Variants in DNAJC6 observed in about 807,000 individuals in gnomAD.
DNAJC6 encodes auxilin.
DNAJC6 carries 34 observed loss-of-function variants against 110.0 expected under a neutral mutation model. The observed-to-expected ratio is 0.31, with a 90% confidence interval of 0.24 to 0.41. The LOEUF is 0.41. Among genes scored for constraint, DNAJC6 ranks in the 10% least tolerant of loss-of-function variants. The probability of loss-of-function intolerance (pLI) is 1.00; values close to 1 mark genes in which losing one functional copy is unlikely to be tolerated. For synonymous variants in DNAJC6, 406 were observed against 437.2 expected (o/e 0.93, Z 0.89); for missense variants, 1,031 against 1,207.8 (o/e 0.85, Z 2.17).
Position 65,315,979 on chromosome 1 carries a change from A to G in DNAJC6, c.193+6041A>G, listed in dbSNP as rs151113259. Among the ~76,000 whole-genome samples, 607 of 152,360 alleles carry G rather than the reference A, an allele frequency of 4.0e-3. 2 individuals carry two copies. Among genetic ancestry groups the G allele is most frequent in the African/African-American group, 0.014 (589 of 41,580 alleles). On this transcript the variant is annotated intron_variant, in intron 1 of 18. Transcript: ENST00000371069. ...ATATGTTTTCTTTACTTAAATATAA[A>G]GAATTTAAAAACACTGGAAATGAAA...
chr1:65,335,233 G>A (rs12727259), intron 1 of DNAJC6, among the ~76,000 whole-genome samples: 90,595 of 151,010 alleles, frequency 0.6, 27,370 homozygotes, highest in African/African-American at 0.66. Context: ...TCAGCCTTCC[G>A]AGTAGCTGGG....
At chr1:65,285,501 A>G (rs1653988425) in intron 1 of DNAJC6, among the ~76,000 whole-genome samples, 1 of 152,124 alleles carries the variant, frequency 6.6e-6, no homozygotes, top group East Asian at 1.9e-4. Flanking sequence ...AACAATATAT[A>G]TTACACATGA....
intron 1 of DNAJC6, among the ~76,000 whole-genome samples, chr1:65,341,956 A>G (rs1329803388): frequency 6.6e-6 from 1 of 152,104 alleles, no homozygotes; most frequent in Non-Finnish European, 1.5e-5. Flanking sequence ...ACTAGTTTTC[A>G]TTAATTTCAT....
At chr1:65,370,395 C>A (rs910267924) in intron 4 of DNAJC6, among the ~76,000 whole-genome samples, 13 of 152,324 alleles carry the variant, frequency 8.5e-5, no homozygotes, top group Non-Finnish European at 8.8e-5. Context: ...ACACTGTTCC[C>A]ATCCACTCCA....
intron 1 of DNAJC6, among the ~76,000 whole-genome samples, chr1:65,286,925 G>T (rs1166021155): frequency 6.6e-6 from 1 of 152,144 alleles, no homozygotes; most frequent in Non-Finnish European, 1.5e-5. Context: ...GTGTAGCCAG[G>T]ATTCCCATAT....
chr1:65,408,737 T>C lies in DNAJC6; in HGVS notation c.2588T>C (p.Met863Thr). ...DKKGPRTIAEMRKEEMAKEMD... is the reference protein window; with the variant it reads ...DKKGPRTIAETRKEEMAKEMD... ...AAGGGGCCTCGGACAATAGCTGAGA[T>C]GAGAAAGGAGGAAATGGCCAAGGAA... is the stretch of plus-strand genomic sequence containing the variant. The change falls in exon 17 of 19, where the codon ATG becomes ACG. Residue 863 changes from methionine (M) to threonine (T), a missense_variant. Coordinates refer to ENST00000371069, the MANE Select transcript of DNAJC6 (RefSeq NM_001256864.2). 1 of 1,613,442 alleles carries C rather than the reference T, an allele frequency of 6.2e-7. No individual in the cohort carries two copies. The highest frequency in any genetic ancestry group is 8.5e-7 in the Non-Finnish European group (1 of 1,179,600).
chr1:65,348,582 T>G (rs1570310313), intron 1 of DNAJC6, among the ~76,000 whole-genome samples: 1 of 152,158 alleles, frequency 6.6e-6, no homozygotes, highest in Non-Finnish European at 1.5e-5. Flanking sequence ...AATATAGGCC[T>G]ACCTGCTTTC....
intron 1 of DNAJC6, among the ~76,000 whole-genome samples, chr1:65,331,143 T>C (rs1645285220): frequency 6.6e-6 from 1 of 152,182 alleles, no homozygotes; most frequent in Non-Finnish European, 1.5e-5. Flanking sequence ...GAATGGATTT[T>C]GGTTGGCAAA....
intron 1 of DNAJC6, among the ~76,000 whole-genome samples, chr1:65,361,768 A>G (rs947647586): frequency 6.6e-6 from 1 of 152,194 alleles, no homozygotes; most frequent in African/African-American, 2.4e-5. Context: ...TACATACCTT[A>G]TTTACTGGCA....
chr1:65,298,593 A>C (rs1644948709), intron 1 of DNAJC6, among the ~76,000 whole-genome samples: 1 of 148,828 alleles, frequency 6.7e-6, no homozygotes, highest in African/African-American at 2.6e-5. Flanking sequence ...ACTGACCATG[A>C]CTTTTTTTTT....
chr1:65,338,574 A>G (rs1645359525), intron 1 of DNAJC6, among the ~76,000 whole-genome samples: 1 of 152,146 alleles, frequency 6.6e-6, no homozygotes, highest in African/African-American at 2.4e-5. Context: ...TTTCAAATTC[A>G]AATCTTTAAA....
intron 5 of DNAJC6, among the ~76,000 whole-genome samples, chr1:65,380,943 C>A (rs1157286834): frequency 3.4e-5 from 3 of 88,484 alleles, no homozygotes; most frequent in Non-Finnish European, 5.6e-5. Context: ...TTTTTGGGAC[C>A]GAGTCTTGCT....
At chr1:65,337,412 TAC>T (rs1645348169) in intron 1 of DNAJC6, among the ~76,000 whole-genome samples, 1 of 152,078 alleles carries the variant, frequency 6.6e-6, no homozygotes, top group South Asian at 2.1e-4. Flanking sequence ...GCTTGATTCT[TAC>T]CCTTTATTTA....
chr1:65,399,067 A>G (rs1271781378), intron 14 of DNAJC6, among the ~76,000 whole-genome samples, 186 bp downstream of exon 14: 1 of 152,198 alleles, frequency 6.6e-6, no homozygotes, highest in African/African-American at 2.4e-5. Context: ...GCTACTTATC[A>G]TACACCATTT....
chr1:65,405,718 A>G, intron 15 of DNAJC6, 152 bp from the exon 16 acceptor site: 2 of 850,518 alleles, frequency 2.4e-6, no homozygotes, highest in South Asian at 2.2e-5. Context: ...AATAATATGT[A>G]TGCCTGCAAT....
At chr1:65,330,851 C>G (rs2101452080) in intron 1 of DNAJC6, among the ~76,000 whole-genome samples, 1 of 152,342 alleles carries the variant, frequency 6.6e-6, no homozygotes, top group African/African-American at 2.4e-5. Context: ...CTGCTTCTAT[C>G]ATGCTGCTTT....
At chr1:65,294,177 A>G (rs1297239386) in intron 1 of DNAJC6, among the ~76,000 whole-genome samples, 1 of 152,234 alleles carries the variant, frequency 6.6e-6, no homozygotes, top group African/African-American at 2.4e-5. Flanking sequence ...TGTGAACTAT[A>G]ACAGAAAATA....
chr1:65,393,536 A>G (rs1158632577), intron 12 of DNAJC6, among the ~76,000 whole-genome samples: 2 of 152,208 alleles, frequency 1.3e-5, no homozygotes, highest in African/African-American at 2.4e-5. Flanking sequence ...CCTAGAACAG[A>G]GCAGTTGGTA....
intron 1 of DNAJC6, among the ~76,000 whole-genome samples, chr1:65,286,905 C>T (rs189258602): frequency 6.6e-6 from 1 of 152,282 alleles, no homozygotes; most frequent in Admixed American, 6.5e-5. Flanking sequence ...AATCAGAGAG[C>T]TAATAGATAG....
Sources: gnomAD v4.1 joint callset for allele counts (sites outside exome capture counted in the v4.1 genomes callset) on GRCh38, gnomAD v4.1.1 for gene constraint, MANE v1.5 for transcripts, NCBI Gene and HGNC (gene_info 2026-07-23, HGNC 2026-07-21) for gene names.